Variants in KPNB1 observed in about 807,000 individuals in gnomAD.
KPNB1 encodes the protein importin subunit beta-1.
A neutral mutation model predicts 113.0 loss-of-function variants in KPNB1; 7 were observed. That is an observed-to-expected ratio of 0.06 (90% confidence interval 0.04 to 0.12). KPNB1 has a LOEUF of 0.12. Ranked by LOEUF, KPNB1 falls within the 10% of genes least tolerant of loss-of-function variation. KPNB1 has a pLI of 1.00. For missense variants in KPNB1, 400 were observed against 1,054.8 expected, an observed-to-expected ratio of 0.38 and a Z score of 8.60; for synonymous variants, 363 against 378.6, an observed-to-expected ratio of 0.96 and a Z score of 0.48.
At chr17:47,665,812 G>C (rs184724602) in intron 9 of KPNB1, among the ~76,000 whole-genome samples, 1 of 152,272 alleles carries the variant, frequency 6.6e-6, no homozygotes, top group African/African-American at 2.4e-5. Flanking sequence ...TACGGTATTT[G>C]GGAAGCTTCT....
chr17:47,674,721 C>T lies in KPNB1; in HGVS notation c.1851C>T (p.Ser617=), dbSNP rs1407868263. 1 of 1,614,202 alleles carries T rather than the reference C, an allele frequency of 6.2e-7. No homozygotes were observed. Among genetic ancestry groups the T allele is most frequent in the Non-Finnish European group, 8.5e-7 (1 of 1,180,030 alleles). The change falls in exon 15 of 22, where the codon AGC becomes AGT. Residue 617 remains serine (S), a synonymous_variant. Coordinates refer to ENST00000290158, the MANE Select transcript of KPNB1 (RefSeq NM_002265.6). ...VMASLLRMFQ[S]TAGSGGVQED... is the part of the protein sequence containing the mutation. The stretch of plus-strand genomic sequence containing the variant: ...CCTCCCTGTTAAGGATGTTCCAAAG[C>T]ACAGCTGGGTCTGGGGGAGTACAAG...
chr17:47,675,361 G>GTTTTTGTTTTTTTTTTTTTTT lies in KPNB1; in HGVS notation c.1912+584_1912+585insGTTTTTTTTTTTTTTTTTTTT, dbSNP rs2030568124. On this transcript the variant is annotated intron_variant, in intron 15 of 21. Coordinates refer to ENST00000290158, the MANE Select transcript of KPNB1 (RefSeq NM_002265.6). ...TGCAACGGAGATTGGCAGAGGTGTT[G>GTTTTTGTTTTTTTTTTTTTTT]TTTTTTTTTTGTTTTTTTTTTTTGT... Among the ~76,000 whole-genome samples the GTTTTTGTTTTTTTTTTTTTTT allele has an allele frequency of 3.0e-4, 27 of 88,692 alleles. 2 individuals carry two copies. The highest frequency in any genetic ancestry group is 1.7e-3 in the East Asian group (6 of 3,440). The allele number at this position is 88,692 out of a possible 152,430, so 58.2% of individuals were successfully genotyped here.
chr17:47,681,686 G>GTTTTTTTTTTTTTT (rs59222945), intron 21 of KPNB1, among the ~76,000 whole-genome samples: 150 of 96,034 alleles, frequency 1.6e-3, no homozygotes, highest in Non-Finnish European at 2.1e-3. Context: ...GGAATTATAG[G>GTTTTTTTTTTTTTT]TTTTTTTTTT....
chr17:47,664,997 A>G, intron 8 of KPNB1, 60 bp from the exon 9 acceptor site: 1 of 1,172,856 alleles, frequency 8.5e-7, no homozygotes, highest in South Asian at 1.2e-5. Flanking sequence ...CTCTCATTGT[A>G]TGCCTTTAGT....
intron 10 of KPNB1, among the ~76,000 whole-genome samples, chr17:47,669,045 A>G (rs2030374144): frequency 6.6e-6 from 1 of 151,374 alleles, no homozygotes. Flanking sequence ...ATATAGCCAG[A>G]TGCCATCATA....
chr17:47,683,118 A>AAAAAC lies in KPNB1; in HGVS notation c.*715_*716insAAACA, dbSNP rs1555619992. On this transcript the variant is annotated 3_prime_UTR_variant, in exon 22 of 22. Transcript: ENST00000290158. Reference sequence around the variant, plus strand: ...AAAAAAAAAAAAAAAAAAAAAAAAAAACACACACACAGAGGAAAGACGCTC... The same window carrying AAAAAC: ...AAAAAAAAAAAAAAAAAAAAAAAAAAAAAACACACACACACAGAGGAAAGACGCTC... 8.4e-5 allele frequency: 12 copies of AAAAAC among 143,208 alleles called. No homozygotes were observed. The highest frequency in any genetic ancestry group is 2.9e-4 in the African/African-American group (11 of 38,056). 8.9% of individuals were successfully genotyped at this position (143,208 alleles called of 1,614,324 possible). A position where few individuals can be genotyped will look rare whatever the true frequency, so the allele number is the denominator to read the frequency against.
Position 47,669,770 on chromosome 17 carries a change from T to A in KPNB1, c.1317T>A (p.Leu439=). 6.2e-7 allele frequency: 1 copy of A among 1,614,122 alleles called. No individual in the cohort carries two copies. Among genetic ancestry groups the A allele is most frequent in the South Asian group, 1.1e-5 (1 of 91,082 alleles). ...CTGTAGGCAGAATTTGTGAGCTGCT[T>A]CCTGAAGCTGCCATCAATGATGTCT... The part of the protein sequence containing the change: ...AWTVGRICEL[L]PEAAINDVYL... Residue 439 remains leucine, a synonymous_variant, in exon 11 of 22, where the codon CTT becomes CTA. Transcript: ENST00000290158.
chr17:47,671,463 GAA>G (rs1194982687), intron 12 of KPNB1, among the ~76,000 whole-genome samples: 2 of 152,114 alleles, frequency 1.3e-5, no homozygotes, highest in African/African-American at 2.4e-5. Context: ...GGTTACAAGA[GAA>G]ATGATAGTAC....
At chr17:47,660,334 C>T (rs1487654676) in intron 5 of KPNB1, among the ~76,000 whole-genome samples, 2 of 152,138 alleles carry the variant, frequency 1.3e-5, no homozygotes, top group Non-Finnish European at 2.9e-5. Context: ...GTATATGCCA[C>T]ATTTTGTTTA....
intron 15 of KPNB1, among the ~76,000 whole-genome samples, chr17:47,675,138 A>C (rs985587389): frequency 6.6e-6 from 1 of 151,706 alleles, no homozygotes; most frequent in African/African-American, 2.4e-5. Context: ...TTGTGTGTGA[A>C]GATAGGGTCT....
rs1393584201 is a variant in KPNB1 at position 47,668,333 on chromosome 17, C to T, written c.1147C>T (p.Arg383Trp). Residue 383 changes from arginine to tryptophan, a missense_variant, in exon 10 of 22, where the codon CGG (arginine) becomes TGG (tryptophan). Arg to Trp is a moderately radical substitution (Grantham distance 101). Coordinates refer to ENST00000290158, the MANE Select transcript of KPNB1 (RefSeq NM_002265.6). ...CATCAAGAACCCAGATTGGCGGTAC[C>T]GGGATGCAGCAGTGATGGCTTTTGG... ...EHIKNPDWRY[R>W]DAAVMAFGCI... is the part of the protein sequence containing the mutation. 6.2e-7 allele frequency: 1 copy of T among 1,613,982 alleles called. No homozygotes were observed. The highest frequency in any genetic ancestry group is 8.5e-7 in the Non-Finnish European group (1 of 1,180,038).
At chr17:47,682,274 A>T (rs1016426876) in intron 21 of KPNB1, 130 bp from the exon 22 acceptor site, 3 of 728,466 alleles carry the variant, frequency 4.1e-6, no homozygotes, top group Admixed American at 3.8e-5. Flanking sequence ...AAGAAGAAAG[A>T]GTGTCAATCC....
intron 13 of KPNB1, 138 bp from the exon 14 acceptor site, chr17:47,673,351 AT>A: frequency 2.3e-6 from 2 of 863,892 alleles, no homozygotes; most frequent in Non-Finnish European, 3.7e-6. Context: ...TTACTCATAT[AT>A]GTGTTACACT....
At chr17:47,671,340 C>T (rs916563897) in intron 12 of KPNB1, among the ~76,000 whole-genome samples, 1 of 152,166 alleles carries the variant, frequency 6.6e-6, no homozygotes, top group Non-Finnish European at 1.5e-5. Context: ...TAGAATTGTT[C>T]AGTTTACAGC....
intron 2 of KPNB1, chr17:47,651,445 A>C: frequency 4.4e-6 from 3 of 680,368 alleles, no homozygotes; most frequent in Non-Finnish European, 5.4e-6. Flanking sequence ...CAAAATGTCA[A>C]CATCAACAAA....
At chr17:47,651,078 A>G (rs75366328) in intron 2 of KPNB1, 2,642 of 231,916 alleles carry the variant, frequency 0.011, 71 homozygotes, top group African/African-American at 0.057. Flanking sequence ...ACCTGGATGA[A>G]TAGAGACCTA....
intron 16 of KPNB1, among the ~76,000 whole-genome samples, chr17:47,676,724 A>G (rs1024669098): frequency 3.9e-5 from 6 of 152,178 alleles, no homozygotes; most frequent in South Asian, 2.1e-4. Context: ...ATAATGGTGG[A>G]CAAGATGACT....
At chr17:47,664,518 G>A (rs971165887) in intron 8 of KPNB1, among the ~76,000 whole-genome samples, 7 of 152,082 alleles carry the variant, frequency 4.6e-5, no homozygotes, top group African/African-American at 1.7e-4. Context: ...GAACACAAGG[G>A]GGCAGCAGGC....
At chr17:47,667,046 A>G (rs2030308718) in intron 9 of KPNB1, among the ~76,000 whole-genome samples, 1 of 152,220 alleles carries the variant, frequency 6.6e-6, no homozygotes, top group African/African-American at 2.4e-5. Flanking sequence ...TTAGGAAGCT[A>G]TACCTTGGAT....
Sources: gnomAD v4.1 joint callset for allele counts (sites outside exome capture counted in the v4.1 genomes callset) on GRCh38, gnomAD v4.1.1 for gene constraint, MANE v1.5 for transcripts, NCBI Gene and HGNC (gene_info 2026-07-23, HGNC 2026-07-21) for gene names.